The following CTNND2 variants were observed in gnomAD, a reference collection of about 807,000 sequenced individuals.
CTNND2 encodes the protein catenin delta 2.
Under a neutral mutation model 144.4 loss-of-function variants are expected in CTNND2, and 22 were observed. That is an observed-to-expected ratio of 0.15 (90% CI 0.11 to 0.22). The LOEUF (loss-of-function observed/expected upper bound fraction) is 0.22, where lower values mean the gene tolerates loss of function less well. Ranked by LOEUF, CTNND2 falls within the 10% of genes least tolerant of loss-of-function variation. CTNND2 has a pLI of 1.00. For missense variants in CTNND2, 1,353 were observed against 1,618.8 expected, an observed-to-expected ratio of 0.84 and a Z score of 2.82; for synonymous variants, 751 against 695.6, an observed-to-expected ratio of 1.08 and a Z score of -1.25.
At chr5:11,497,713 A>G (rs768101565) in intron 3 of CTNND2, among the ~76,000 whole-genome samples, 13 of 152,136 alleles carry the variant, frequency 8.5e-5, no homozygotes, top group Non-Finnish European at 1.9e-4. Flanking sequence ...TCTAGTGTGT[A>G]TAAGTCAGAA....
intron 7 of CTNND2, among the ~76,000 whole-genome samples, chr5:11,373,538 C>T (rs1321412227): frequency 1.3e-5 from 2 of 152,168 alleles, no homozygotes; most frequent in Non-Finnish European, 2.9e-5. Context: ...AAAGAACATG[C>T]ACAGCATTTG....
intron 1 of CTNND2, among the ~76,000 whole-genome samples, chr5:11,902,064 G>C (rs376598143): frequency 6.6e-6 from 1 of 152,158 alleles, no homozygotes; most frequent in Non-Finnish European, 1.5e-5. Context: ...AACTTGAGCC[G>C]TATAGACCTT....
intron 3 of CTNND2, among the ~76,000 whole-genome samples, chr5:11,456,550 C>A (rs1379773041): frequency 2.0e-5 from 3 of 152,048 alleles, no homozygotes; most frequent in Non-Finnish European, 4.4e-5. Flanking sequence ...ATATTTCAAC[C>A]CCAATACCTG....
chr5:11,541,710 G>A (rs1266600005), intron 3 of CTNND2, among the ~76,000 whole-genome samples: 3 of 151,936 alleles, frequency 2.0e-5, no homozygotes, highest in Non-Finnish European at 1.5e-5. Flanking sequence ...TGTTTTATTT[G>A]CCCACAATAA....
chr5:11,455,241 G>C (rs1270088724), intron 3 of CTNND2, among the ~76,000 whole-genome samples: 4 of 152,052 alleles, frequency 2.6e-5, no homozygotes, highest in Non-Finnish European at 5.9e-5. Flanking sequence ...TATTCAGATG[G>C]AGAGTAGTAA....
At chr5:11,583,250 T>C (rs932166112) in intron 2 of CTNND2, among the ~76,000 whole-genome samples, 5 of 152,190 alleles carry the variant, frequency 3.3e-5, no homozygotes, top group African/African-American at 1.2e-4. Flanking sequence ...CTGAGCTCCA[T>C]GCTGATCAGT....
At chr5:11,724,969 T>C (rs1019989379) in intron 2 of CTNND2, among the ~76,000 whole-genome samples, 3 of 152,094 alleles carry the variant, frequency 2.0e-5, no homozygotes, top group Non-Finnish European at 2.9e-5. Flanking sequence ...ATTAGGCAAG[T>C]GGCCCAGCTG....
intron 2 of CTNND2, among the ~76,000 whole-genome samples, chr5:11,722,598 A>G (rs1581776714): frequency 6.6e-6 from 1 of 152,200 alleles, no homozygotes; most frequent in South Asian, 2.1e-4. Flanking sequence ...AAAACTTACA[A>G]TCATGGTAGA....
At chr5:11,122,346 G>T (rs934635081) in intron 12 of CTNND2, among the ~76,000 whole-genome samples, 1 of 151,992 alleles carries the variant, frequency 6.6e-6, no homozygotes, top group African/African-American at 2.4e-5. Context: ...TCACAAGTTT[G>T]TGGCCTGGAG....
chr5:11,155,572 G>A (rs957450187), intron 12 of CTNND2, among the ~76,000 whole-genome samples: 14 of 152,094 alleles, frequency 9.2e-5, no homozygotes, highest in African/African-American at 2.7e-4. Flanking sequence ...AAGAGGTAGC[G>A]GAGGCAGAGC....
intron 1 of CTNND2, among the ~76,000 whole-genome samples, chr5:11,771,777 G>C (rs1268957531): frequency 6.6e-6 from 1 of 152,178 alleles, no homozygotes; most frequent in Non-Finnish European, 1.5e-5. Flanking sequence ...ACTATTAAAA[G>C]AGATTAGAAT....
intron 16 of CTNND2, among the ~76,000 whole-genome samples, chr5:11,036,372 C>A (rs1381563457): frequency 6.6e-6 from 1 of 152,148 alleles, no homozygotes; most frequent in African/African-American, 2.4e-5. Flanking sequence ...TCCCAGATAA[C>A]TCTTTTTGAA....
intron 9 of CTNND2, among the ~76,000 whole-genome samples, chr5:11,333,922 A>G (rs1342307202): frequency 6.6e-6 from 1 of 152,202 alleles, no homozygotes; most frequent in African/African-American, 2.4e-5. Flanking sequence ...GCGGGAAGAC[A>G]GAAAGGTGTG....
intron 1 of CTNND2, among the ~76,000 whole-genome samples, chr5:11,866,611 T>C (rs1795780777): frequency 6.6e-6 from 1 of 152,234 alleles, no homozygotes; most frequent in African/African-American, 2.4e-5. Context: ...GTACCTAAAG[T>C]GTGCAGCACA....
chr5:11,367,437 C>T (rs1238493494), intron 7 of CTNND2, among the ~76,000 whole-genome samples: 1 of 152,198 alleles, frequency 6.6e-6, no homozygotes, highest in Non-Finnish European at 1.5e-5. Context: ...AATTCTCACA[C>T]AATGTTTTCT....
intron 1 of CTNND2, among the ~76,000 whole-genome samples, chr5:11,758,445 T>C (rs1201825437): frequency 3.9e-5 from 6 of 152,020 alleles, no homozygotes; most frequent in Non-Finnish European, 5.9e-5. Flanking sequence ...GGAAAGCTCA[T>C]TCGTCCTGTC....
chr5:11,000,053 T>C (rs895668233), intron 18 of CTNND2, among the ~76,000 whole-genome samples: 2 of 152,346 alleles, frequency 1.3e-5, no homozygotes. Flanking sequence ...TCGACGGCCC[T>C]GAATCTATAA....
intron 8 of CTNND2, among the ~76,000 whole-genome samples, chr5:11,353,062 CTTTT>C (rs35251702): frequency 1.0e-4 from 13 of 125,438 alleles, no homozygotes; most frequent in Admixed American, 1.6e-4. Flanking sequence ...GATACACAGT[CTTTT>C]TTTTTTTTTT....
intron 2 of CTNND2, among the ~76,000 whole-genome samples, chr5:11,566,311 A>G (rs1457043130): frequency 1.3e-5 from 2 of 152,178 alleles, no homozygotes; most frequent in African/African-American, 2.4e-5. Context: ...TTATTCTTAC[A>G]TATTCTGAAG....
Sources: allele counts gnomAD v4.1 joint callset (sites outside exome capture counted in the v4.1 genomes callset), GRCh38; gene constraint gnomAD v4.1.1; transcripts MANE v1.5; gene names NCBI Gene and HGNC (gene_info 2026-07-23, HGNC 2026-07-21).